MCCC1: variants seen among roughly 807,000 people sequenced by gnomAD.
MCCC1 encodes the protein methylcrotonoyl-CoA carboxylase subunit alpha, mitochondrial.
A neutral mutation model predicts 83.8 loss-of-function variants in MCCC1; 64 were observed. The ratio of observed to expected loss-of-function variants is 0.76; its 90% CI spans 0.62 to 0.94. The LOEUF is 0.94. Ranked by LOEUF, MCCC1 falls within the 40% of genes least tolerant of loss-of-function variation. MCCC1 has a pLI of 0.00. For missense variants in MCCC1, 807 were observed against 904.7 expected (o/e 0.89, Z 1.39); for synonymous variants, 322 against 315.4 (o/e 1.02, Z -0.22).
intron 18 of MCCC1, among the ~76,000 whole-genome samples, chr3:183,015,867 T>C (rs1020617578): frequency 6.6e-6 from 1 of 152,044 alleles, no homozygotes; most frequent in African/African-American, 2.4e-5. Flanking sequence ...CACATGAGAA[T>C]TGCACCTAGG....
intron 7 of MCCC1, among the ~76,000 whole-genome samples, chr3:183,069,476 GC>G (rs574443230): frequency 1.3e-3 from 194 of 151,396 alleles, no homozygotes; most frequent in African/African-American, 3.8e-3. Flanking sequence ...CCTTAGAAAT[GC>G]CCCCCCCTTT....
chr3:183,110,993 T>C (rs1169868363), intron 1 of MCCC1, among the ~76,000 whole-genome samples: 2 of 152,212 alleles, frequency 1.3e-5, no homozygotes, highest in Non-Finnish European at 2.9e-5. Flanking sequence ...GCTCCATTGG[T>C]CTATGCATCT....
At chr3:183,052,266 C>A (rs1715036812) in intron 8 of MCCC1, 26 bp from the exon 9 acceptor site, 1 of 1,590,412 alleles carries the variant, frequency 6.3e-7, no homozygotes, top group Non-Finnish European at 8.6e-7. Context: ...GTAAATAAAT[C>A]TCCATTAGTA....
chr3:183,015,480 G>T lies in MCCC1; in HGVS notation c.2136C>A (p.Val712=). 1 of 1,614,054 alleles carries T rather than the reference G, an allele frequency of 6.2e-7. No homozygotes were observed. The highest frequency in any genetic ancestry group is 1.1e-5 in the South Asian group (1 of 91,056). Residue 712 remains valine, a synonymous_variant, in exon 19 of 19, where the codon GTC becomes GTA. Transcript: ENST00000265594. ...TGTCTGATTCTTCCTCCTCAAACTC[G>T]ACTAAAGGAGTGTGTCTGTTGGCCT... ...GAQANRHTPL[V]EFEEEESDKR... is the part of the protein sequence containing the mutation.
intron 1 of MCCC1, chr3:183,098,855 G>C (rs1273440003): frequency 5.7e-6 from 1 of 174,942 alleles, no homozygotes; most frequent in Non-Finnish European, 1.2e-5. Flanking sequence ...AGGAACTCCA[G>C]GAGTCTTTCT....
intron 14 of MCCC1, among the ~76,000 whole-genome samples, chr3:183,033,221 T>C (rs1713231050): frequency 6.6e-6 from 1 of 152,260 alleles, no homozygotes. Context: ...CAGCCTCTTT[T>C]GACATCAGTT....
upstream of MCCC1, among the ~76,000 whole-genome samples, chr3:183,100,903 A>G (rs1719211587): frequency 1.3e-5 from 2 of 152,156 alleles, no homozygotes; most frequent in South Asian, 2.1e-4. Context: ...GGAGGGAGAG[A>G]CACGAGCGGG....
intron 7 of MCCC1, among the ~76,000 whole-genome samples, chr3:183,060,057 C>T (rs1715708082): frequency 6.6e-6 from 1 of 152,296 alleles, no homozygotes; most frequent in Non-Finnish European, 1.5e-5. Context: ...ATTACTACTT[C>T]AAATATCTCT....
intron 14 of MCCC1, chr3:183,029,121 G>A (rs1179333097): frequency 1.3e-5 from 2 of 152,160 alleles, no homozygotes; most frequent in African/African-American, 4.8e-5. Flanking sequence ...AACCAAACCT[G>A]TAATAACTCC....
intron 1 of MCCC1, among the ~76,000 whole-genome samples, chr3:183,111,742 A>G (rs763891707): frequency 6.6e-6 from 1 of 152,176 alleles, no homozygotes; most frequent in African/African-American, 2.4e-5. Flanking sequence ...ACCTTCTCCA[A>G]ATGAAGTCAT....
At chr3:183,045,684 T>A in intron 9 of MCCC1, 144 bp from the exon 10 acceptor site, 1 of 870,506 alleles carries the variant, frequency 1.1e-6, no homozygotes, top group Non-Finnish European at 1.8e-6. Flanking sequence ...CATCTCGCAT[T>A]TGCAGCAGCA....
intron 1 of MCCC1, among the ~76,000 whole-genome samples, chr3:183,108,880 C>T (rs1377956934): frequency 1.3e-5 from 2 of 152,154 alleles, no homozygotes; most frequent in Non-Finnish European, 2.9e-5. Flanking sequence ...AAAGGAATGA[C>T]CCATTACAGC....
intron 4 of MCCC1, among the ~76,000 whole-genome samples, chr3:183,080,183 T>C (rs1717384858): frequency 6.6e-6 from 1 of 152,214 alleles, no homozygotes; most frequent in South Asian, 2.1e-4. Flanking sequence ...CAGCTTGAAT[T>C]TCTCCTCAGA....
upstream of MCCC1, among the ~76,000 whole-genome samples, chr3:183,104,327 C>G (rs879810707): frequency 1.3e-5 from 2 of 152,134 alleles, no homozygotes; most frequent in Non-Finnish European, 2.9e-5. Flanking sequence ...CCATGTTGGC[C>G]AAGCTGTCTC....
In MCCC1 at chr3:183,020,208, G is replaced by A; in HGVS notation, c.1899C>T (p.Val633=). ...KEGSIEIDIP[V]PKYLSSVSSQ... is the part of the protein sequence containing the mutation. ...AGCTCACAGAAGATAAGTATTTGGGGACTGGAATGTCAATCTCAATACTTC... is the reference window on the plus strand; with the variant it reads ...AGCTCACAGAAGATAAGTATTTGGGAACTGGAATGTCAATCTCAATACTTC... The change falls in exon 17 of 19, where the codon GTC becomes GTT. Residue 633 remains valine, a synonymous_variant. Transcript: ENST00000265594. The A allele has an allele frequency of 6.2e-7, 1 of 1,613,968 alleles. No individual in the cohort carries two copies. The highest frequency in any genetic ancestry group is 8.5e-7 in the Non-Finnish European group (1 of 1,179,886).
chr3:183,090,734 C>G (rs529684372), intron 3 of MCCC1, among the ~76,000 whole-genome samples: 4 of 152,058 alleles, frequency 2.6e-5, no homozygotes, highest in African/African-American at 4.8e-5. Context: ...GGATTACAGG[C>G]ATGTGACACC....
At position 183,022,555 on chromosome 3, in the gene MCCC1, C is replaced by A. The variant is rs763877330; in HGVS notation, c.1732-1G>T. 1 of 1,608,934 alleles carries A rather than the reference C, an allele frequency of 6.2e-7. No individual in the cohort carries two copies. The highest frequency in any genetic ancestry group is 1.7e-5 in the Admixed American group (1 of 59,856). On this transcript the variant is annotated splice_acceptor_variant, in intron 15 of 18. Transcript: ENST00000265594. LOFTEE classifies it high-confidence loss of function. The stretch of plus-strand genomic sequence containing the variant: ...GGACTTGGAAAGTTTTATCTTCAAT[C>A]TGAAAAAAATGAAAAATAAGATTTT...
chr3:183,086,994 A>C (rs563483279), intron 3 of MCCC1, among the ~76,000 whole-genome samples: 91 of 152,352 alleles, frequency 6.0e-4, no homozygotes, highest in Non-Finnish European at 1.0e-3. Context: ...TGAAGAGGGT[A>C]ACAAAACTTG....
intron 17 of MCCC1, 197 bp from the exon 18 acceptor site, chr3:183,017,534 T>C: frequency 1.7e-6 from 1 of 587,268 alleles, no homozygotes; most frequent in Non-Finnish European, 3.0e-6. Context: ...AGATTTGGTA[T>C]ATAAACTTAC....
Sources: gnomAD v4.1 joint callset for allele counts (sites outside exome capture counted in the v4.1 genomes callset) on GRCh38, gnomAD v4.1.1 for gene constraint, MANE v1.5 for transcripts, NCBI Gene and HGNC (gene_info 2026-07-23, HGNC 2026-07-21) for gene names.